Variants in EML6 observed in about 807,000 individuals in gnomAD.
The protein encoded by EML6 is echinoderm microtubule-associated protein-like 6.
EML6 carries 154 observed loss-of-function variants against 240.1 expected under a neutral mutation model. That is an observed-to-expected ratio of 0.64 (90% confidence interval 0.56 to 0.73). The LOEUF is 0.73. EML6 is among the 30% of genes least tolerant of loss of function. The pLI, the probability that EML6 is intolerant of heterozygous loss-of-function variation, is 0.00. For synonymous variants in EML6, 1,148 were observed against 899.0 expected, an observed-to-expected ratio of 1.28 and a Z score of -4.95; for missense variants, 2,964 against 2,474.6, an observed-to-expected ratio of 1.20 and a Z score of -4.20.
At chr2:54,886,156 C>CT (rs1672124001) in intron 17 of EML6, among the ~76,000 whole-genome samples, 1 of 126,742 alleles carries the variant, frequency 7.9e-6, no homozygotes, top group Non-Finnish European at 1.7e-5. Context: ...TTTTTTTTAA[C>CT]CTTCTTTTTT....
Position 54,866,909 on chromosome 2 carries a change from G to A in EML6, c.2051+25G>A, listed in dbSNP as rs1034806248. On this transcript the variant is annotated intron_variant, in intron 14 of 41. Coordinates refer to ENST00000356458, the MANE Select transcript of EML6 (RefSeq NM_001039753.4). ...GGTGGGTGGCCTGTCATGGGCGCCC[G>A]TATGTGTTCCTCTGTCTCTGCCTGG... is the stretch of plus-strand genomic sequence containing the variant. The A allele has an allele frequency of 3.9e-5, 53 of 1,371,888 alleles. No individual in the cohort carries two copies. The African/African-American group carries it at 4.3e-4, about 11-fold the overall frequency. 85.0% of individuals were successfully genotyped at this position (1,371,888 alleles called of 1,614,324 possible). A position where few individuals can be genotyped will look rare whatever the true frequency, so the allele number is the denominator to read the frequency against.
intron 26 of EML6, among the ~76,000 whole-genome samples, chr2:54,925,196 AC>A (rs1448186721): frequency 6.6e-6 from 1 of 151,992 alleles, no homozygotes; most frequent in Non-Finnish European, 1.5e-5. Flanking sequence ...CCACACACAC[AC>A]CGCCCGCTCT....
chr2:54,766,341 C>A (rs1421846519), intron 2 of EML6, among the ~76,000 whole-genome samples: 1 of 152,152 alleles, frequency 6.6e-6, no homozygotes, highest in Non-Finnish European at 1.5e-5. Context: ...CTTCTTTGAT[C>A]TAGAACATTT....
chr2:54,954,166 C>T lies in EML6; in HGVS notation c.4486+10C>T, dbSNP rs1371963849. 1 of 1,548,990 alleles carries T rather than the reference C, an allele frequency of 6.5e-7. No homozygotes were observed. Among genetic ancestry groups the T allele is most frequent in the African/African-American group, 1.4e-5 (1 of 73,000 alleles). ...TGGCGATGGCAGGAAGGTAAACCAGCACTGGGCTTTCTGTCCCTCCAGGGT... is the reference window on the plus strand; with the variant it reads ...TGGCGATGGCAGGAAGGTAAACCAGTACTGGGCTTTCTGTCCCTCCAGGGT... On this transcript the variant is annotated intron_variant, in intron 32 of 41. Coordinates refer to ENST00000356458, the MANE Select transcript of EML6 (RefSeq NM_001039753.4).
intron 7 of EML6, among the ~76,000 whole-genome samples, chr2:54,842,994 A>G (rs959886752): frequency 2.0e-5 from 3 of 152,212 alleles, no homozygotes; most frequent in African/African-American, 7.2e-5. Context: ...TCCGTAGGAT[A>G]TATCTAGATT....
At chr2:54,745,818 A>C (rs769147206) in intron 2 of EML6, among the ~76,000 whole-genome samples, 4 of 152,136 alleles carry the variant, frequency 2.6e-5, no homozygotes, top group Non-Finnish European at 5.9e-5. Context: ...CATGGGGTAC[A>C]TCCTTCCCTT....
At chr2:54,951,869 C>A (rs7566508) in intron 30 of EML6, among the ~76,000 whole-genome samples, 71,748 of 151,988 alleles carry the variant, frequency 0.47, 18,730 homozygotes, top group East Asian at 0.63. Flanking sequence ...CACTTTCTAG[C>A]CTTGCCATCA....
chr2:54,816,662 T>G, intron 3 of EML6, 125 bp from the exon 4 acceptor site: 1 of 727,422 alleles, frequency 1.4e-6, no homozygotes, highest in Non-Finnish European at 2.3e-6. Context: ...TTAAGATGGG[T>G]TTTGAGAAAT....
At chr2:54,826,284 T>G (rs1475973617) in intron 5 of EML6, among the ~76,000 whole-genome samples, 1 of 152,174 alleles carries the variant, frequency 6.6e-6, no homozygotes, top group African/African-American at 2.4e-5. Flanking sequence ...ATAGCCCTTA[T>G]AACCTGAGGG....
At chr2:54,737,392 G>A (rs1357880540) in intron 2 of EML6, among the ~76,000 whole-genome samples, 1 of 152,048 alleles carries the variant, frequency 6.6e-6, no homozygotes, top group Non-Finnish European at 1.5e-5. Flanking sequence ...TCTGCCTCCC[G>A]GGTTCAAGCG....
intron 19 of EML6, 22 bp downstream of exon 19, chr2:54,892,678 T>C (rs1294659968): frequency 3.3e-6 from 5 of 1,527,308 alleles, no homozygotes; most frequent in African/African-American, 1.4e-5. Flanking sequence ...GTATCAGCAT[T>C]CATTTTCCTC....
At chr2:54,886,157 C>CTTTTTTTTTTTT in intron 17 of EML6, among the ~76,000 whole-genome samples, 1 of 115,236 alleles carries the variant, frequency 8.7e-6, no homozygotes, top group Non-Finnish European at 1.8e-5. Context: ...TTTTTTTAAC[C>CTTTTTTTTTTTT]TTCTTTTTTT....
chr2:54,821,592 G>T (rs114321560), intron 5 of EML6, among the ~76,000 whole-genome samples: 2,805 of 151,622 alleles, frequency 0.018, 83 homozygotes, highest in African/African-American at 0.064. Flanking sequence ...ATGAACTTTG[G>T]GATAAAGAAT....
Position 54,870,041 on chromosome 2 carries a change from A to C in EML6, c.2238+674A>C, listed in dbSNP as rs182394547. Reference sequence around the variant, plus strand: ...AGTTTTATCTTTTCCTCAAATGTATAGATTATACTTTTGTTCAGTTTTTAT... The same window carrying C: ...AGTTTTATCTTTTCCTCAAATGTATCGATTATACTTTTGTTCAGTTTTTAT... On this transcript the variant is annotated intron_variant, in intron 15 of 41. Coordinates refer to ENST00000356458, the MANE Select transcript of EML6 (RefSeq NM_001039753.4). Among the ~76,000 whole-genome samples the C allele has an allele frequency of 3.5e-3, 528 of 152,354 alleles. 2 individuals carry two copies. Among genetic ancestry groups the C allele is most frequent in the Middle Eastern group, 6.8e-3 (2 of 294 alleles).
chr2:54,934,794 C>CT (rs1675051849), intron 28 of EML6, among the ~76,000 whole-genome samples: 1 of 152,168 alleles, frequency 6.6e-6, no homozygotes, highest in African/African-American at 2.4e-5. Flanking sequence ...CTCAAGCGGT[C>CT]TTACACCTTG....
At chr2:54,797,164 CAAAAAAAAAA>C (rs773498648) in intron 2 of EML6, among the ~76,000 whole-genome samples, 4 of 43,818 alleles carry the variant, frequency 9.1e-5, no homozygotes, top group Non-Finnish European at 1.6e-4. Context: ...GACTCCATCT[CAAAAAAAAAA>C]AAAAAAAAAA....
chr2:54,727,050 T>C (rs973885448), intron 2 of EML6, among the ~76,000 whole-genome samples: 1 of 152,190 alleles, frequency 6.6e-6, no homozygotes, highest in African/African-American at 2.4e-5. Flanking sequence ...AAACCGTTGT[T>C]ATGACAAGCA....
intron 2 of EML6, among the ~76,000 whole-genome samples, chr2:54,771,225 A>C (rs73936456): frequency 0.045 from 6,854 of 152,278 alleles, 502 homozygotes; most frequent in African/African-American, 0.15. Context: ...TCACCAGATC[A>C]TCCCTAAAGC....
At chr2:54,882,897 C>CT (rs1671912652) in intron 17 of EML6, 1 of 98,116 alleles carries the variant, frequency 1.0e-5, no homozygotes, top group African/African-American at 3.4e-5. Flanking sequence ...ACACACTAAG[C>CT]TTATGCATAT....
Sources: gnomAD v4.1 joint callset for allele counts (sites outside exome capture counted in the v4.1 genomes callset) on GRCh38, gnomAD v4.1.1 for gene constraint, MANE v1.5 for transcripts, NCBI Gene and HGNC (gene_info 2026-07-23, HGNC 2026-07-21) for gene names.